MAPK4: variants seen among roughly 807,000 people sequenced by gnomAD.
MAPK4 encodes Erk3-related.
MAPK4 carries 22 observed loss-of-function variants against 47.7 expected under a neutral mutation model. That is an observed-to-expected ratio of 0.46 (90% confidence interval 0.33 to 0.66). MAPK4 has a LOEUF of 0.66. Ranked by LOEUF, MAPK4 falls within the 30% of genes least tolerant of loss-of-function variation. The probability of loss-of-function intolerance (pLI) is 0.02; values close to 1 mark genes in which losing one functional copy is unlikely to be tolerated. For missense variants in MAPK4, 736 were observed against 831.7 expected (o/e 0.88, Z 1.42); for synonymous variants, 390 against 365.7 (o/e 1.07, Z -0.76).
chr18:50,589,775 GC>G (rs1452976191), intron 1 of MAPK4, among the ~76,000 whole-genome samples: 1 of 152,174 alleles, frequency 6.6e-6, no homozygotes, highest in African/African-American at 2.4e-5. Flanking sequence ...CACTTCCTGA[GC>G]ATGCTTTTGT....
intron 1 of MAPK4, among the ~76,000 whole-genome samples, chr18:50,583,221 G>T (rs2042361350): frequency 6.6e-6 from 1 of 152,178 alleles, no homozygotes; most frequent in African/African-American, 2.4e-5. Context: ...TAGAATGAGA[G>T]AATGTGTGTT....
At chr18:50,629,132 G>A (rs2042806906) in intron 1 of MAPK4, among the ~76,000 whole-genome samples, 1 of 152,162 alleles carries the variant, frequency 6.6e-6, no homozygotes. Flanking sequence ...GCTCACATTC[G>A]CTAAGATGAG....
chr18:50,595,854 C>A (rs1453769157), intron 1 of MAPK4, among the ~76,000 whole-genome samples: 2 of 152,128 alleles, frequency 1.3e-5, no homozygotes, highest in African/African-American at 4.8e-5. Context: ...TCATCACACG[C>A]TTTCCATTTA....
In MAPK4 at chr18:50,664,802, T is replaced by C. The variant is rs1907506437; in HGVS notation, c.546+298T>C. On this transcript the variant is annotated intron_variant, in intron 2 of 5. Coordinates refer to ENST00000400384, the MANE Select transcript of MAPK4 (RefSeq NM_002747.4). The surrounding 1 kb of genome is among the most constrained non-coding windows in gnomAD (Gnocchi z 6.0). ...GCTCTAAATTCTATGGCTTGAAAAC[T>C]ATGTGGTTGGTGAATTTGCCTCTAG... Among the ~76,000 whole-genome samples the C allele has an allele frequency of 6.6e-6, 1 of 152,158 alleles. No homozygotes were observed.
chr18:50,705,086 G>A (rs1025530081), intron 2 of MAPK4: 6 of 272,540 alleles, frequency 2.2e-5, no homozygotes, highest in Middle Eastern at 1.0e-3. Context: ...ATAGAAAACC[G>A]GACCCATACC....
intron 2 of MAPK4, among the ~76,000 whole-genome samples, chr18:50,680,224 T>C (rs938170844): frequency 7.9e-5 from 12 of 150,998 alleles, no homozygotes; most frequent in African/African-American, 2.9e-4. Flanking sequence ...TCCAAGTAGC[T>C]GGGATTACAG....
intron 1 of MAPK4, among the ~76,000 whole-genome samples, chr18:50,643,572 T>A (rs2042960185): frequency 6.6e-6 from 1 of 152,196 alleles, no homozygotes; most frequent in Admixed American, 6.5e-5. Flanking sequence ...TCCCATATCT[T>A]CTTGTCCAGT....
chr18:50,620,962 T>C lies in MAPK4; in HGVS notation c.-870-42127T>C, dbSNP rs560590631. On this transcript the variant is annotated intron_variant, in intron 1 of 5. Transcript: ENST00000400384. ...TCTTTTGGCCAAGTATCCTCTTTAT[T>C]ATTTGACTTGCTAAGAAACAGGGCC... Among the ~76,000 whole-genome samples, 7 of 152,278 alleles carry C rather than the reference T, an allele frequency of 4.6e-5. No individual in the cohort carries two copies. In the East Asian group the frequency reaches 1.2e-3, roughly 25 times the overall value.
At chr18:50,614,460 G>T (rs969326333) in intron 1 of MAPK4, among the ~76,000 whole-genome samples, 15 of 151,642 alleles carry the variant, frequency 9.9e-5, no homozygotes, top group African/African-American at 2.7e-4. Flanking sequence ...TTTAAATAAG[G>T]TTGAAATTGT....
chr18:50,640,121 T>C (rs958720021), intron 1 of MAPK4, among the ~76,000 whole-genome samples: 1 of 152,224 alleles, frequency 6.6e-6, no homozygotes. Flanking sequence ...ACGTGATCTT[T>C]ATATAGACAG....
intron 1 of MAPK4, among the ~76,000 whole-genome samples, chr18:50,657,781 CT>C (rs1167785030): frequency 2.0e-5 from 3 of 152,000 alleles, no homozygotes; most frequent in African/African-American, 7.2e-5. Flanking sequence ...GATAGTCCCA[CT>C]GCTAAGGATC....
intron 1 of MAPK4, among the ~76,000 whole-genome samples, chr18:50,601,798 C>A (rs1284915748): frequency 6.6e-6 from 1 of 152,190 alleles, no homozygotes; most frequent in Non-Finnish European, 1.5e-5. Context: ...CTTTTTCTTG[C>A]TGTGGGTCAC....
At chr18:50,652,809 T>A (rs1368427925) in intron 1 of MAPK4, among the ~76,000 whole-genome samples, 1 of 151,996 alleles carries the variant, frequency 6.6e-6, no homozygotes, top group Non-Finnish European at 1.5e-5. Flanking sequence ...CCTGAACAGA[T>A]AAGCTAGTCT....
At chr18:50,568,240 C>T (rs2042219333) in intron 1 of MAPK4, among the ~76,000 whole-genome samples, 1 of 151,996 alleles carries the variant, frequency 6.6e-6, no homozygotes, top group Admixed American at 6.6e-5. Context: ...TCCATACAAC[C>T]CTCATGTTCC....
intron 1 of MAPK4, among the ~76,000 whole-genome samples, chr18:50,605,996 A>G (rs901141311): frequency 1.3e-5 from 2 of 151,660 alleles, no homozygotes; most frequent in African/African-American, 4.8e-5. Context: ...GAACCACAGG[A>G]AAGTCTGGGC....
At chr18:50,602,116 A>G (rs766136835) in intron 1 of MAPK4, among the ~76,000 whole-genome samples, 17 of 152,202 alleles carry the variant, frequency 1.1e-4, no homozygotes, top group African/African-American at 4.1e-4. Flanking sequence ...TAGTTCCTAA[A>G]GGTATTCTAT....
chr18:50,714,872 C>G (rs1380739230), intron 2 of MAPK4, among the ~76,000 whole-genome samples: 1 of 152,086 alleles, frequency 6.6e-6, no homozygotes, highest in African/African-American at 2.4e-5. Context: ...GATTCTCTCA[C>G]CAAAGCATTT....
chr18:50,605,207 A>G (rs2042572097), intron 1 of MAPK4, among the ~76,000 whole-genome samples: 1 of 152,226 alleles, frequency 6.6e-6, no homozygotes, highest in African/African-American at 2.4e-5. Flanking sequence ...GAGGAGATCA[A>G]GTTGAAATCC....
chr18:50,663,879 GAGGGAGGCCGCT>G lies in MAPK4; in HGVS notation c.-77_-66del. The G allele has an allele frequency of 7.7e-7, 1 of 1,296,036 alleles. No individual in the cohort carries two copies. Among genetic ancestry groups the G allele is most frequent in the Non-Finnish European group, 1.1e-6 (1 of 928,276 alleles). The allele number at this position is 1,296,036 out of a possible 1,614,324, so 80.3% of individuals were successfully genotyped here. On this transcript the variant is annotated 5_prime_UTR_variant, in exon 2 of 6. Coordinates refer to ENST00000400384, the MANE Select transcript of MAPK4 (RefSeq NM_002747.4). Reference sequence around the variant, plus strand: ...TGGGACTTGACAGAATGAGGTGCGCGAGGGAGGCCGCTAGCCGAGACTTGGCCTTTCCTGACT... The same window carrying G: ...TGGGACTTGACAGAATGAGGTGCGCGAGCCGAGACTTGGCCTTTCCTGACT...
Sources: gnomAD v4.1 joint callset for allele counts (sites outside exome capture counted in the v4.1 genomes callset) on GRCh38, gnomAD v4.1.1 for gene constraint, Gnocchi (gnomAD v3.1) non-coding constraint, MANE v1.5 for transcripts, NCBI Gene and HGNC (gene_info 2026-07-23, HGNC 2026-07-21) for gene names.